REXO5: variants seen among roughly 807,000 people sequenced by gnomAD.
REXO5 encodes exonuclease NEF-sp.
A neutral mutation model predicts 88.5 loss-of-function variants in REXO5; 48 were observed. The observed-to-expected ratio is 0.54, with a 90% CI of 0.43 to 0.69. REXO5 has a LOEUF of 0.69. Among genes scored for constraint, REXO5 ranks in the 30% least tolerant of loss-of-function variants. The pLI, the probability that REXO5 is intolerant of heterozygous loss-of-function variation, is 0.00. For missense variants in REXO5, 749 were observed against 912.2 expected (o/e 0.82, Z 2.30); for synonymous variants, 311 against 336.5 (o/e 0.92, Z 0.83).
chr16:20,815,597 C>A (rs2081069969), intron 4 of REXO5, among the ~76,000 whole-genome samples: 1 of 152,026 alleles, frequency 6.6e-6, no homozygotes, highest in South Asian at 2.1e-4. Flanking sequence ...CTCTATTAAC[C>A]ACGGACCACC....
At chr16:20,810,676 G>A (rs368693298) in intron 2 of REXO5, among the ~76,000 whole-genome samples, 4 of 152,074 alleles carry the variant, frequency 2.6e-5, no homozygotes, top group African/African-American at 2.4e-5. Flanking sequence ...GATTACAGGC[G>A]TGAACCACCG....
At chr16:20,846,910 G>A (rs928443430) in intron 19 of REXO5, among the ~76,000 whole-genome samples, 11 of 152,224 alleles carry the variant, frequency 7.2e-5, no homozygotes, top group African/African-American at 2.2e-4. Flanking sequence ...GAATAAATCA[G>A]TTGATTTTCA....
chr16:20,828,562 C>A, intron 11 of REXO5, 25 bp downstream of exon 11: 2 of 1,461,522 alleles, frequency 1.4e-6, no homozygotes, highest in South Asian at 1.1e-5. Context: ...CCAGTGTGTT[C>A]ACCTTTTCTT....
chr16:20,835,898 G>C (rs1436278704), intron 13 of REXO5, among the ~76,000 whole-genome samples: 2 of 152,010 alleles, frequency 1.3e-5, no homozygotes, highest in Non-Finnish European at 2.9e-5. Flanking sequence ...AAATTAGCCA[G>C]GCCTGGTAGC....
chr16:20,821,673 T>C, intron 5 of REXO5, 89 bp from the exon 6 acceptor site: 1 of 1,229,576 alleles, frequency 8.1e-7, no homozygotes, highest in Non-Finnish European at 1.1e-6. Flanking sequence ...TTGATCTTCC[T>C]TGTGCTTAGC....
intron 4 of REXO5, 34 bp from the exon 5 acceptor site, chr16:20,816,082 A>G (rs763810673): frequency 4.4e-6 from 7 of 1,578,816 alleles, no homozygotes; most frequent in Non-Finnish European, 5.2e-6. Flanking sequence ...GCTGTTTTCA[A>G]CCATTTTTGT....
intron 6 of REXO5, among the ~76,000 whole-genome samples, chr16:20,823,011 A>G (rs1278936309): frequency 1.3e-5 from 2 of 152,224 alleles, no homozygotes; most frequent in Non-Finnish European, 2.9e-5. Context: ...CCAGCAGCAT[A>G]TGAGGTTTCC....
intron 5 of REXO5, among the ~76,000 whole-genome samples, chr16:20,819,792 C>G (rs2081141317): frequency 6.6e-6 from 1 of 151,972 alleles, no homozygotes; most frequent in African/African-American, 2.4e-5. Flanking sequence ...GGATCTCCCT[C>G]TGTTGCCCAG....
chr16:20,825,591 T>G, intron 7 of REXO5: 1 of 442,204 alleles, frequency 2.3e-6, no homozygotes, highest in Non-Finnish European at 4.0e-6. Context: ...GATACAATTA[T>G]TAATATTATT....
Position 20,846,342 on chromosome 16 carries a change from A to G in REXO5, c.2243+3A>G. ...ATCCTGCTGCCAGGAACCAAGAGGT[A>G]AGGACTAGAAAGGGTATCCCTTCAG... On this transcript the variant is annotated splice_donor_region_variant and intron_variant, in intron 19 of 19. Transcript: ENST00000261377. 3 of 1,601,720 alleles carry G rather than the reference A, an allele frequency of 1.9e-6. No homozygotes were observed. The highest frequency in any genetic ancestry group is 2.6e-6 in the Non-Finnish European group (3 of 1,168,836).
intron 11 of REXO5, among the ~76,000 whole-genome samples, chr16:20,829,160 T>G (rs2081303152): frequency 6.6e-6 from 1 of 152,154 alleles, no homozygotes; most frequent in Non-Finnish European, 1.5e-5. Flanking sequence ...CTGAACAACA[T>G]CAGTTTTTGG....
intron 5 of REXO5, among the ~76,000 whole-genome samples, chr16:20,819,148 CA>C: frequency 6.6e-6 from 1 of 152,250 alleles, no homozygotes; most frequent in South Asian, 2.1e-4. Context: ...ATATGTACCA[CA>C]TTTTTTTTTA....
rs2081058579 is a variant in REXO5, at chr16:20,814,954, C to A, written c.279C>A (p.His93Gln). ...PSWCQLFHQN[H>Q]LNNVVVFVLQ... The stretch of plus-strand genomic sequence containing the variant: ...GGTGCCAGCTTTTTCATCAAAACCA[C>A]CTAAACAACGTAGTGGTTTTTGTTC... The change falls in exon 4 of 20, where the codon CAC becomes CAA. Residue 93 changes from histidine (H) to glutamine (Q), a missense_variant. Coordinates refer to ENST00000261377, the MANE Select transcript of REXO5 (RefSeq NM_030941.3). 2.5e-6 allele frequency: 4 copies of A among 1,613,318 alleles called. No homozygotes were observed. In the East Asian group the frequency reaches 8.9e-5, roughly 36 times the overall value.
At chr16:20,827,241 G>A (rs754645794) in intron 9 of REXO5, 45 bp downstream of exon 9, 1 of 1,610,048 alleles carries the variant, frequency 6.2e-7, no homozygotes, top group East Asian at 2.2e-5. Flanking sequence ...ATAAATGCCT[G>A]TTCCATTTAT....
At chr16:20,813,346 T>TTTTTA in intron 3 of REXO5, 44 bp downstream of exon 3, 4 of 229,460 alleles carry the variant, frequency 1.7e-5, no homozygotes, top group Non-Finnish European at 2.3e-5. Flanking sequence ...AGCGGTTTCT[T>TTTTTA]TTTTTTTTTT....
intron 2 of REXO5, among the ~76,000 whole-genome samples, chr16:20,809,630 T>C (rs551145832): frequency 2.7e-4 from 41 of 152,376 alleles, no homozygotes; most frequent in African/African-American, 9.4e-4. Flanking sequence ...TTGCAGATTG[T>C]ACACAATTTG....
chr16:20,807,033 G>T lies in REXO5; in HGVS notation c.80G>T (p.Gly27Val), dbSNP rs1326350736. Reference protein sequence around the residue: ...ESRQAPNKLVGAAEAMKAGWD... With the variant: ...ESRQAPNKLVVAAEAMKAGWD... The stretch of plus-strand genomic sequence containing the variant: ...AGGCAGGCCCCAAATAAGCTGGTCG[G>T]GGCAGCTGAGGCGATGAAAGCCGGT... The change falls in exon 2 of 20, where the codon GGG becomes GTG. Residue 27 changes from glycine (G) to valine (V), a missense_variant. Physicochemically the swap from Gly to Val is moderately radical, Grantham distance 109. Coordinates refer to ENST00000261377, the MANE Select transcript of REXO5 (RefSeq NM_030941.3). 2 of 1,603,480 alleles carry T rather than the reference G, an allele frequency of 1.2e-6. No individual in the cohort carries two copies. Among genetic ancestry groups the T allele is most frequent in the African/African-American group, 2.7e-5 (2 of 74,884 alleles).
chr16:20,827,692 A>G (rs1376795066), intron 10 of REXO5, among the ~76,000 whole-genome samples: 1 of 152,250 alleles, frequency 6.6e-6, no homozygotes, highest in Non-Finnish European at 1.5e-5. Context: ...ATTTCAAAAC[A>G]TAACATACCT....
chr16:20,829,625 T>C (rs2081310690), intron 11 of REXO5, among the ~76,000 whole-genome samples: 1 of 152,214 alleles, frequency 6.6e-6, no homozygotes, highest in Middle Eastern at 3.2e-3. Flanking sequence ...TAGATAATAA[T>C]AGCCACCACT....
Sources: allele counts gnomAD v4.1 joint callset (sites outside exome capture counted in the v4.1 genomes callset), GRCh38; gene constraint gnomAD v4.1.1; transcripts MANE v1.5; gene names NCBI Gene and HGNC (gene_info 2026-07-23, HGNC 2026-07-21).